The following COL20A1 variants were observed in gnomAD, a reference collection of about 807,000 sequenced individuals.
COL20A1 encodes the protein collagen alpha-1(XX) chain.
In COL20A1, 164 loss-of-function variants were observed where a neutral mutation model predicts 152.9. That is an observed-to-expected ratio of 1.07 (90% CI 0.94 to 1.22). The LOEUF (loss-of-function observed/expected upper bound fraction) is 1.22, where lower values mean the gene tolerates loss of function less well. Ranked by LOEUF, COL20A1 falls within the 50% of genes most tolerant of loss-of-function variation. COL20A1 has a pLI of 0.00. For missense variants in COL20A1, 1,873 were observed against 1,744.8 expected, an observed-to-expected ratio of 1.07 and a Z score of -1.31; for synonymous variants, 864 against 756.0, an observed-to-expected ratio of 1.14 and a Z score of -2.34.
chr20:63,319,348 G>T lies in COL20A1; in HGVS notation c.2807-139G>T. 1 of 1,098,232 alleles carries T rather than the reference G, an allele frequency of 9.1e-7. No homozygotes were observed. The highest frequency in any genetic ancestry group is 1.3e-6 in the Non-Finnish European group (1 of 771,514). 68.0% of individuals were successfully genotyped at this position (1,098,232 alleles called of 1,614,324 possible). On this transcript the variant is annotated intron_variant, in intron 22 of 35. Coordinates refer to ENST00000358894, the MANE Select transcript of COL20A1 (RefSeq NM_020882.4). This position sits in a 1 kb window ranked among gnomAD's most constrained non-coding sequence, Gnocchi z 4.4. ...GGGAGGCAGGTGTCCCGGGCAGGGG[G>T]CTGTGGGCCACATTGAGGGTCACCT...
chr20:63,322,456 G>C (rs1434054864), intron 27 of COL20A1, among the ~76,000 whole-genome samples: 1 of 152,202 alleles, frequency 6.6e-6, no homozygotes, highest in East Asian at 1.9e-4. Context: ...GGCCGCCCTT[G>C]ATTTCCATGG....
Position 63,314,180 on chromosome 20 carries a change from G to A in COL20A1, c.2467G>A (p.Val823Met), listed in dbSNP as rs746104995. The A allele has an allele frequency of 3.8e-6, 6 of 1,572,564 alleles. No homozygotes were observed. Among genetic ancestry groups the A allele is most frequent in the Non-Finnish European group, 5.2e-6 (6 of 1,159,384 alleles). Residue 823 changes from valine (V) to methionine (M), a missense_variant, in exon 19 of 36, where the codon GTG becomes ATG. Val to Met is a conservative substitution (Grantham distance 21). Transcript: ENST00000358894. Reference sequence around the variant, plus strand: ...CTATGCAGCAGGCAGGAGTGAGGCTGTGTCTGCCACGGGCCAGACAGGTGA... The same window carrying A: ...CTATGCAGCAGGCAGGAGTGAGGCTATGTCTGCCACGGGCCAGACAGGTGA... ...AIYAAGRSEA[V>M]SATGQTACPA...
Position 63,312,972 on chromosome 20 carries a change from C to T in COL20A1, c.2076+38C>T, listed in dbSNP as rs77297993. 500 of 1,527,128 alleles carry T rather than the reference C, an allele frequency of 3.3e-4. 4 individuals carry two copies. The East Asian group carries it at 9.0e-3, about 27-fold the overall frequency. The allele number at this position is 1,527,128 out of a possible 1,614,324, so 94.6% of individuals were successfully genotyped here. On this transcript the variant is annotated intron_variant, in intron 16 of 35. Transcript: ENST00000358894. Reference sequence around the variant, plus strand: ...GGGTTTGTCCTTCCGAGGGGCCCCCCGTGGGCCCCTAGTCCTGAAGCCAAA... The same window carrying T: ...GGGTTTGTCCTTCCGAGGGGCCCCCTGTGGGCCCCTAGTCCTGAAGCCAAA...
chr20:63,325,395 C>T (rs1414136107), intron 27 of COL20A1, 46 bp from the exon 28 acceptor site: 3 of 1,445,138 alleles, frequency 2.1e-6, no homozygotes, highest in Non-Finnish European at 2.9e-6. Context: ...GCCCTCCTGC[C>T]CTGTGCCCCC....
chr20:63,328,041 C>T (rs2068277459), intron 32 of COL20A1, 38 bp from the exon 33 acceptor site: 1 of 1,613,068 alleles, frequency 6.2e-7, no homozygotes, highest in Admixed American at 1.7e-5. Flanking sequence ...AAGGCACCTG[C>T]CACACGGGTC....
rs1278550809 is a variant in COL20A1, at chr20:63,332,527, C to G, written c.*1811C>G. The G allele has an allele frequency of 6.6e-6, 1 of 152,258 alleles. No individual in the cohort carries two copies. Among genetic ancestry groups the G allele is most frequent in the Non-Finnish European group, 1.5e-5 (1 of 68,078 alleles). 9.4% of individuals were successfully genotyped at this position (152,258 alleles called of 1,614,324 possible). ...CCCAGAGCCCACAGGGCATCCAGAGCCTTCCAAAGGAGCCCCTCTCCTGGG... is the reference window on the plus strand; with the variant it reads ...CCCAGAGCCCACAGGGCATCCAGAGGCTTCCAAAGGAGCCCCTCTCCTGGG... On this transcript the variant is annotated 3_prime_UTR_variant, in exon 36 of 36. Transcript: ENST00000358894.
At chr20:63,307,880 C>A in intron 6 of COL20A1, 91 bp from the exon 7 acceptor site, 1 of 1,477,238 alleles carries the variant, frequency 6.8e-7, no homozygotes, top group Non-Finnish European at 9.2e-7. Context: ...CCCACAGAGG[C>A]ACGTGCAGCT....
In COL20A1 at chr20:63,312,685, G is replaced by A. The variant is rs372981188; in HGVS notation, c.1934-107G>A. 140 of 1,456,126 alleles carry A rather than the reference G, an allele frequency of 9.6e-5. No homozygotes were observed. In the East Asian group the frequency reaches 1.8e-3, roughly 18 times the overall value. 90.2% of individuals were successfully genotyped at this position (1,456,126 alleles called of 1,614,324 possible). On this transcript the variant is annotated intron_variant, in intron 15 of 35. Coordinates refer to ENST00000358894, the MANE Select transcript of COL20A1 (RefSeq NM_020882.4). ...GCCAGGTGGGGATGGGCACCCGGAC[G>A]GGTGTGATGGATGGGGGTATAGGGT...
In COL20A1 at chr20:63,295,143, C is replaced by T; in HGVS notation, c.36C>T (p.Cys12=). ...SSGDPAHLGL[C]LWLWLGATLG... The stretch of plus-strand genomic sequence containing the variant: ...GAGACCCTGCACACCTCGGCCTCTG[C>T]CTCTGGCTGTGGCTGGGCGCCACCC... The change falls in exon 2 of 36, where the codon TGC becomes TGT. Residue 12 remains cysteine, a synonymous_variant. Transcript: ENST00000358894. 1.3e-6 allele frequency: 2 copies of T among 1,554,780 alleles called. No homozygotes were observed. The highest frequency in any genetic ancestry group is 1.2e-5 in the South Asian group (1 of 84,210).
In COL20A1 at chr20:63,319,046, C is replaced by G; in HGVS notation, c.2664-12C>G. The G allele has an allele frequency of 6.3e-7, 1 of 1,597,054 alleles. No homozygotes were observed. Among genetic ancestry groups the G allele is most frequent in the Non-Finnish European group, 8.6e-7 (1 of 1,167,050 alleles). ...TCTGCTCATGTGCCTCTCCCTCCCC[C>G]AACCCCCACAGTGACGTCTACCCAG... On this transcript the variant is annotated splice_polypyrimidine_tract_variant and intron_variant, in intron 21 of 35. Coordinates refer to ENST00000358894, the MANE Select transcript of COL20A1 (RefSeq NM_020882.4). The surrounding 1 kb of genome is among the most constrained non-coding windows in gnomAD (Gnocchi z 4.4).
chr20:63,310,438 G>T lies in COL20A1; in HGVS notation c.1321G>T (p.Glu441Ter). The T allele has an allele frequency of 6.2e-7, 1 of 1,610,136 alleles. No homozygotes were observed. Among genetic ancestry groups the T allele is most frequent in the Non-Finnish European group, 8.5e-7 (1 of 1,178,906 alleles). Residue 441 changes from glutamate to a stop codon, truncating the protein, a stop_gained, in exon 11 of 36, where the codon GAG becomes TAG. Coordinates refer to ENST00000358894, the MANE Select transcript of COL20A1 (RefSeq NM_020882.4). LOFTEE classifies it high-confidence loss of function. ...GCTGCACAACCTGGCCTCCCGCACAGAGTACCTGGTCTCCGTGTTCCCCAT... is the reference window on the plus strand; with the variant it reads ...GCTGCACAACCTGGCCTCCCGCACATAGTACCTGGTCTCCGTGTTCCCCAT... Reference protein sequence around the residue: ...TELHNLASRTEYLVSVFPIYE... With the variant: ...TELHNLASRT
chr20:63,304,141 A>G (rs2067893047), intron 3 of COL20A1, among the ~76,000 whole-genome samples: 1 of 142,954 alleles, frequency 7.0e-6, no homozygotes, highest in Non-Finnish European at 1.5e-5. Context: ...TTCTCCCTCC[A>G]GGTGTGCAGG....
At position 63,329,868 on chromosome 20, in the gene COL20A1, TGTGGGGTCACAGGGC is replaced by T. The variant is rs534665866; in HGVS notation, c.*3+221_*3+235del. Among the ~76,000 whole-genome samples the T allele has an allele frequency of 6.6e-3, 997 of 151,496 alleles. 5 individuals are homozygous for T. Among genetic ancestry groups the T allele is most frequent in the Middle Eastern group, 0.027 (8 of 294 alleles). Reference sequence around the variant, plus strand: ...GCAACAGGAATGTGGGGTCACAGGGTGTGGGGTCACAGGGCGTGGGGTCACAGGACGTGGGGTTCC... The same window carrying T: ...GCAACAGGAATGTGGGGTCACAGGGTGTGGGGTCACAGGACGTGGGGTTCC... On this transcript the variant is annotated intron_variant, in intron 35 of 35. Transcript: ENST00000358894.
rs1184226591 is a variant in COL20A1 at position 63,311,691 on chromosome 20, G to A, written c.1606G>A (p.Val536Met). The A allele has an allele frequency of 3.7e-6, 6 of 1,607,218 alleles. No homozygotes were observed. The highest frequency in any genetic ancestry group is 5.1e-6 in the Non-Finnish European group (6 of 1,179,130). ...ACCTGGCAGGGACTATGAGGTCTCG[G>A]TGCAGAGCCTGCGAGGCCCTGAGGG... ...LEPGRDYEVSVQSLRGPEGSE... is the reference protein window; with the variant it reads ...LEPGRDYEVSMQSLRGPEGSE... The change falls in exon 13 of 36, where the codon GTG (valine) becomes ATG (methionine). Residue 536 changes from valine (V) to methionine (M), a missense_variant. Physicochemically the swap from Val to Met is conservative, Grantham distance 21. Transcript: ENST00000358894. The surrounding 1 kb of genome is among the most constrained non-coding windows in gnomAD (Gnocchi z 4.4).
Position 63,319,611 on chromosome 20 carries a change from C to T in COL20A1, c.2916+15C>T, listed in dbSNP as rs374916835. On this transcript the variant is annotated intron_variant, in intron 23 of 35. Transcript: ENST00000358894. This position sits in a 1 kb window ranked among gnomAD's most constrained non-coding sequence, Gnocchi z 4.4. ...GCTTCCACAAGGTCCTGGTGCAGCT[C>T]GCGCCCCTCTCCCCCGTTCCCCCAG... The T allele has an allele frequency of 3.1e-4, 483 of 1,535,780 alleles. No homozygotes were observed. Among genetic ancestry groups the T allele is most frequent in the South Asian group, 8.8e-4 (74 of 84,070 alleles).
rs766845299 is a variant in COL20A1 at position 63,309,738 on chromosome 20, C to A, written c.1106-20C>A. Reference sequence around the variant, plus strand: ...GCCCGTGCAGTGACCACCTGCCCCCCACTCCCGCTACTCCAGCAGCAGCGG... The same window carrying A: ...GCCCGTGCAGTGACCACCTGCCCCCAACTCCCGCTACTCCAGCAGCAGCGG... On this transcript the variant is annotated intron_variant, in intron 9 of 35. Transcript: ENST00000358894. 18 of 1,539,150 alleles carry A rather than the reference C, an allele frequency of 1.2e-5. 1 individual carries two copies. Among genetic ancestry groups the A allele is most frequent in the South Asian group, 1.1e-4 (9 of 80,916 alleles).
rs543583553 is a variant in COL20A1 at position 63,328,347 on chromosome 20, C to G, written c.3630C>G (p.Phe1210Leu). 1.9e-6 allele frequency: 3 copies of G among 1,612,044 alleles called. No homozygotes were observed. Among genetic ancestry groups the G allele is most frequent in the Non-Finnish European group, 1.7e-6 (2 of 1,179,284 alleles). The change falls in exon 34 of 36, where the codon TTC becomes TTG. Residue 1210 changes from phenylalanine to leucine, a missense_variant. Physicochemically the swap from Phe to Leu is conservative, Grantham distance 22 (BLOSUM62 0). Coordinates refer to ENST00000358894, the MANE Select transcript of COL20A1 (RefSeq NM_020882.4). ...TCCCCACAGCACACGTGTCAAAGTT[C>G]GACTCCTTCCACGAGAACACCAGGC... The part of the protein sequence containing the change: ...LVSQASHVSK[F>L]DSFHENTRPP...
intron 1 of COL20A1, 180 bp from the exon 2 acceptor site, chr20:63,294,918 C>A (rs917749763): frequency 5.4e-5 from 30 of 559,928 alleles, no homozygotes; most frequent in Non-Finnish European, 8.2e-5. Flanking sequence ...TTTTAGGCAG[C>A]TGGGAGGTAT....
In COL20A1 at chr20:63,328,511, T is replaced by C; in HGVS notation, c.3781+13T>C. The C allele has an allele frequency of 3.7e-6, 6 of 1,600,938 alleles. No homozygotes were observed. The highest frequency in any genetic ancestry group is 3.3e-5 in the South Asian group (3 of 90,320). On this transcript the variant is annotated intron_variant, in intron 34 of 35. Coordinates refer to ENST00000358894, the MANE Select transcript of COL20A1 (RefSeq NM_020882.4). The stretch of plus-strand genomic sequence containing the variant: ...CTTGAGGGCAGAGGTACTGGGCTCC[T>C]GGCTCTTGGGGAGGGAGTTGTGGCC...
Sources: gnomAD v4.1 joint callset for allele counts (sites outside exome capture counted in the v4.1 genomes callset) on GRCh38, gnomAD v4.1.1 for gene constraint, Gnocchi (gnomAD v3.1) non-coding constraint, MANE v1.5 for transcripts, NCBI Gene and HGNC (gene_info 2026-07-23, HGNC 2026-07-21) for gene names.